TMBIM4: variants seen among roughly 807,000 people sequenced by gnomAD.
The protein encoded by TMBIM4 is transmembrane BAX inhibitor motif containing 4.
A neutral mutation model predicts 27.7 loss-of-function variants in TMBIM4; 28 were observed. The ratio of observed to expected loss-of-function variants is 1.01; its 90% CI spans 0.75 to 1.38. The LOEUF (loss-of-function observed/expected upper bound fraction) is 1.38. Among genes scored for constraint, TMBIM4 ranks in the 40% most tolerant of loss-of-function variants. The pLI, the probability that TMBIM4 is intolerant of heterozygous loss-of-function variation, is 0.00. For missense variants in TMBIM4, 265 were observed against 277.5 expected (o/e 0.95, Z 0.32); for synonymous variants, 115 against 113.1 (o/e 1.02, Z -0.11).
chr12:66,149,488 G>C (rs896518083), intron 3 of TMBIM4, among the ~76,000 whole-genome samples: 2 of 151,158 alleles, frequency 1.3e-5, no homozygotes, highest in Non-Finnish European at 2.9e-5. Context: ...TTTTTTGGGG[G>C]GGGCAGGGCA....
At chr12:66,164,524 G>C (rs1264505475) in intron 1 of TMBIM4, among the ~76,000 whole-genome samples, 16 of 152,204 alleles carry the variant, frequency 1.1e-4, no homozygotes, top group Non-Finnish European at 2.9e-5. Flanking sequence ...GGAAATCTTA[G>C]AGGGTTTCCT....
intron 4 of TMBIM4, among the ~76,000 whole-genome samples, chr12:66,146,654 A>AC (rs1389829050): frequency 6.6e-6 from 1 of 152,206 alleles, no homozygotes; most frequent in Non-Finnish European, 1.5e-5. Flanking sequence ...AAACTCCTTA[A>AC]CATTTTAATA....
chr12:66,154,827 TTAA>T lies in TMBIM4; in HGVS notation c.98-1382_98-1380del, dbSNP rs2051905594. Among the ~76,000 whole-genome samples, 14 of 152,324 alleles carry T rather than the reference TTAA, an allele frequency of 9.2e-5. No homozygotes were observed. The South Asian group carries it at 2.9e-3, about 32-fold the overall frequency. ...GGGAATTTTCATGAATACTAAGGAT[TTAA>T]TAATCAAAATGCCTAAATATTAAAC... On this transcript the variant is annotated intron_variant, in intron 1 of 6. Transcript: ENST00000358230.
chr12:66,143,935 T>C (rs2051710299), intron 5 of TMBIM4, among the ~76,000 whole-genome samples: 1 of 152,148 alleles, frequency 6.6e-6, no homozygotes, highest in East Asian at 1.9e-4. Context: ...GCTGAATCTA[T>C]GGCATACTGA....
chr12:66,169,614 G>A (rs947207084), intron 1 of TMBIM4: 25 of 463,356 alleles, frequency 5.4e-5, no homozygotes, highest in African/African-American at 4.9e-4. Flanking sequence ...ACACAGGACA[G>A]CCGCAAGCCT....
In TMBIM4 at chr12:66,145,840, C is replaced by A. The variant is rs1380549728; in HGVS notation, c.464+1G>T. 6.5e-7 allele frequency: 1 copy of A among 1,541,658 alleles called. No individual in the cohort carries two copies. Among genetic ancestry groups the A allele is most frequent in the East Asian group, 2.3e-5 (1 of 44,428 alleles). On this transcript the variant is annotated splice_donor_variant, in intron 5 of 6. Coordinates refer to ENST00000358230, the MANE Select transcript of TMBIM4 (RefSeq NM_016056.4). LOFTEE classifies it high-confidence loss of function. ...TATATCCAAGAATATATACAACTTA[C>A]CCTGCTCCAAATTTGCTGAAATCCT... is the stretch of plus-strand genomic sequence containing the variant.
In TMBIM4 at chr12:66,136,130, T is replaced by G. The variant is rs980658829; in HGVS notation, c.*1830A>C. The G allele has an allele frequency of 2.0e-5, 3 of 149,332 alleles. No individual in the cohort carries two copies. The highest frequency in any genetic ancestry group is 7.4e-5 in the African/African-American group (3 of 40,540). 9.3% of individuals were successfully genotyped at this position (149,332 alleles called of 1,614,324 possible). ...TATTAATACCATCAGCTGACATTAA[T>G]TAAGCACTTAGTTTAGTTTATTTAT... On this transcript the variant is annotated 3_prime_UTR_variant, in exon 7 of 7. Coordinates refer to ENST00000358230, the MANE Select transcript of TMBIM4 (RefSeq NM_016056.4).
At chr12:66,162,788 G>A (rs1366513930) in intron 1 of TMBIM4, among the ~76,000 whole-genome samples, 2 of 152,132 alleles carry the variant, frequency 1.3e-5, no homozygotes, top group African/African-American at 2.4e-5. Flanking sequence ...CAAACAAAAT[G>A]TTTAATTTAC....
intron 5 of TMBIM4, among the ~76,000 whole-genome samples, chr12:66,143,820 T>G (rs1051194058): frequency 6.6e-6 from 1 of 152,158 alleles, no homozygotes; most frequent in Admixed American, 6.5e-5. Flanking sequence ...GGTCTTTATA[T>G]CCATTTTGGC....
intron 3 of TMBIM4, among the ~76,000 whole-genome samples, chr12:66,151,600 T>C (rs2051846357): frequency 6.6e-6 from 1 of 152,204 alleles, no homozygotes; most frequent in Admixed American, 6.5e-5. Flanking sequence ...AATCTAGTCA[T>C]ACTGGATGAG....
intron 1 of TMBIM4, among the ~76,000 whole-genome samples, chr12:66,162,858 T>G (rs2136883317): frequency 6.6e-6 from 1 of 152,292 alleles, no homozygotes; most frequent in Non-Finnish European, 1.5e-5. Context: ...CCAAACTCCC[T>G]CCAAACTTGG....
At chr12:66,155,520 A>C (rs539604078) in intron 1 of TMBIM4, among the ~76,000 whole-genome samples, 16 of 152,172 alleles carry the variant, frequency 1.1e-4, no homozygotes, top group African/African-American at 3.6e-4. Context: ...TTTTGTAGAG[A>C]TGGGGTTTTA....
chr12:66,169,984 A>C lies in TMBIM4; in HGVS notation c.-33T>G. ...ACAGCACCCCTACCGGTCCCGGTCC[A>C]CTAACCGCAACCGCCTCCTCCCCAC... On this transcript the variant is annotated 5_prime_UTR_variant, in exon 1 of 7. Transcript: ENST00000358230. 7.0e-7 allele frequency: 1 copy of C among 1,421,348 alleles called. No individual in the cohort carries two copies. The highest frequency in any genetic ancestry group is 1.5e-5 in the African/African-American group (1 of 66,426). 88.0% of individuals were successfully genotyped at this position (1,421,348 alleles called of 1,614,324 possible). A position where few individuals can be genotyped will look rare whatever the true frequency, so the allele number is the denominator to read the frequency against.
At chr12:66,142,594 T>C (rs771359455) in intron 5 of TMBIM4, among the ~76,000 whole-genome samples, 11 of 151,960 alleles carry the variant, frequency 7.2e-5, no homozygotes, top group Non-Finnish European at 1.2e-4. Context: ...GAGAGGAACC[T>C]TGAATTTAGG....
In TMBIM4 at chr12:66,150,423, CTTTCTT is replaced by C. The variant is rs1390507347; in HGVS notation, c.312+1842_312+1847del. ...TCCTTTCTTCCTCCCTCCCACCCCCCTTTCTTTTTAAGACAGGGTCTCACTCTGTCA... is the reference window on the plus strand; with the variant it reads ...TCCTTTCTTCCTCCCTCCCACCCCCCTTTAAGACAGGGTCTCACTCTGTCA... On this transcript the variant is annotated intron_variant, in intron 3 of 6. Coordinates refer to ENST00000358230, the MANE Select transcript of TMBIM4 (RefSeq NM_016056.4). Among the ~76,000 whole-genome samples, 7 of 58,758 alleles carry C rather than the reference CTTTCTT, an allele frequency of 1.2e-4. No homozygotes were observed. In the South Asian group the frequency reaches 6.0e-3, roughly 51 times the overall value. 38.5% of individuals were successfully genotyped at this position (58,758 alleles called of 152,430 possible). A position where few individuals can be genotyped will look rare whatever the true frequency, so the allele number is the denominator to read the frequency against.
intron 2 of TMBIM4, among the ~76,000 whole-genome samples, 155 bp from the exon 3 acceptor site, chr12:66,152,531 C>T (rs1426947967): frequency 6.6e-6 from 1 of 151,918 alleles, no homozygotes; most frequent in African/African-American, 2.4e-5. Context: ...TATTTTATAT[C>T]TGGAAAATTT....
At chr12:66,162,618 C>G (rs2136882960) in intron 1 of TMBIM4, among the ~76,000 whole-genome samples, 1 of 152,284 alleles carries the variant, frequency 6.6e-6, no homozygotes, top group East Asian at 1.9e-4. Flanking sequence ...TAGTTGTTTG[C>G]CAGTTCCCAA....
chr12:66,149,403 C>CCACTG (rs941851168), intron 3 of TMBIM4, among the ~76,000 whole-genome samples: 2 of 147,866 alleles, frequency 1.4e-5, no homozygotes, highest in East Asian at 2.0e-4. Flanking sequence ...CAAGTTCGTG[C>CCACTG]CACTGCACTC....
intron 5 of TMBIM4, among the ~76,000 whole-genome samples, chr12:66,141,642 C>T (rs773760260): frequency 1.3e-5 from 2 of 151,366 alleles, no homozygotes; most frequent in Non-Finnish European, 2.9e-5. Flanking sequence ...AAAACATATA[C>T]GATGCTAACA....
Sources: allele counts gnomAD v4.1 joint callset (sites outside exome capture counted in the v4.1 genomes callset), GRCh38; gene constraint gnomAD v4.1.1; transcripts MANE v1.5; gene names NCBI Gene and HGNC (gene_info 2026-07-23, HGNC 2026-07-21).